The following BCAS3 variants were observed in gnomAD, a reference collection of about 807,000 sequenced individuals.
BCAS3 encodes the protein BCAS3 microtubule associated cell migration factor, also known as BCAS4/BCAS3 fusion.
A neutral mutation model predicts 116.1 loss-of-function variants in BCAS3; 53 were observed. That is an observed-to-expected ratio of 0.46 (90% CI 0.37 to 0.57). The LOEUF is 0.57. BCAS3 is among the 20% of genes least tolerant of loss of function. The pLI is 0.00. For synonymous variants in BCAS3, 391 were observed against 408.2 expected, an observed-to-expected ratio of 0.96 and a Z score of 0.51; for missense variants, 917 against 1,165.4, an observed-to-expected ratio of 0.79 and a Z score of 3.10.
Position 61,026,613 on chromosome 17 carries a change from A to G in BCAS3, c.1638-8053A>G, listed in dbSNP as rs2066264743. ...TATTTTATTTTAACTTAGAAATACT[A>G]CAGGGGTGCTCCAGAAAAGGGGGAG... On this transcript the variant is annotated intron_variant, in intron 16 of 23. Coordinates refer to ENST00000407086, the MANE Select transcript of BCAS3 (RefSeq NM_017679.5). The surrounding 1 kb of genome is among the most constrained non-coding windows in gnomAD (Gnocchi z 5.0). Among the ~76,000 whole-genome samples the G allele has an allele frequency of 6.6e-6, 1 of 152,014 alleles. No homozygotes were observed. Among genetic ancestry groups the G allele is most frequent in the Non-Finnish European group, 1.5e-5 (1 of 67,950 alleles).
At chr17:61,078,619 T>C in intron 21 of BCAS3, 90 bp downstream of exon 21, 1 of 1,148,664 alleles carries the variant, frequency 8.7e-7, no homozygotes, top group Admixed American at 2.4e-5. Context: ...AGGTTTCCCC[T>C]TTTGGCACAG....
In BCAS3 at chr17:61,021,143, G is replaced by C. The variant is rs2065846954; in HGVS notation, c.1637+5242G>C. On this transcript the variant is annotated intron_variant, in intron 16 of 23. Transcript: ENST00000407086. The surrounding 1 kb of genome is among the most constrained non-coding windows in gnomAD (Gnocchi z 4.6). ...GTGATCTCCACCCACTGCAACCTCTGCTCTTGGGCTCAGGTGATTCTCTTG... is the reference window on the plus strand; with the variant it reads ...GTGATCTCCACCCACTGCAACCTCTCCTCTTGGGCTCAGGTGATTCTCTTG... 6.6e-6 allele frequency among the ~76,000 whole-genome samples: 1 copy of C among 152,022 alleles called. No homozygotes were observed. Among genetic ancestry groups the C allele is most frequent in the South Asian group, 2.1e-4 (1 of 4,822 alleles).
chr17:60,798,948 A>C (rs995514259), intron 6 of BCAS3, among the ~76,000 whole-genome samples: 1 of 152,138 alleles, frequency 6.6e-6, no homozygotes, highest in Non-Finnish European at 1.5e-5. Flanking sequence ...GCATATTTTC[A>C]TATGCTTGTT....
chr17:61,001,872 A>G (rs1236840305), intron 15 of BCAS3, among the ~76,000 whole-genome samples: 1 of 152,146 alleles, frequency 6.6e-6, no homozygotes, highest in Non-Finnish European at 1.5e-5. Context: ...CTATTTTCTC[A>G]AGACAGAGCA....
intron 9 of BCAS3, among the ~76,000 whole-genome samples, chr17:60,878,491 T>G (rs778930843): frequency 3.3e-5 from 5 of 152,174 alleles, no homozygotes; most frequent in Non-Finnish European, 7.4e-5. Flanking sequence ...CTTTGTTGAT[T>G]TGGGTAATGC....
intron 22 of BCAS3, among the ~76,000 whole-genome samples, chr17:61,246,875 A>G (rs536440046): frequency 6.6e-6 from 1 of 151,248 alleles, no homozygotes; most frequent in East Asian, 1.9e-4. Context: ...GATGTTTTCC[A>G]TGAGCCTGAT....
At chr17:61,176,525 CTATTTATTTATTTATTTATT>C (rs139505219) in intron 22 of BCAS3, among the ~76,000 whole-genome samples, 2 of 145,530 alleles carry the variant, frequency 1.4e-5, no homozygotes, top group Non-Finnish European at 1.5e-5. Context: ...TGTGTAATGT[CTATTTATTTATTTATTTATT>C]TATTTATTTA....
chr17:60,691,909 T>C (rs1363274799), intron 4 of BCAS3, among the ~76,000 whole-genome samples: 1 of 152,036 alleles, frequency 6.6e-6, no homozygotes, highest in African/African-American at 2.4e-5. Context: ...ATGACAAATA[T>C]TTTTTGAAAT....
rs2019339046 is a variant in BCAS3 at position 61,309,704 on chromosome 17, A to AC, written c.2426-58620dup. Reference sequence around the variant, plus strand: ...AGCAAAGCCTGGAACTGGAGAGATGACCCAGGGTCTTTGGGATTGCGGAAC... The same window carrying AC: ...AGCAAAGCCTGGAACTGGAGAGATGACCCCAGGGTCTTTGGGATTGCGGAAC... On this transcript the variant is annotated intron_variant, in intron 22 of 23. Transcript: ENST00000407086. The surrounding 1 kb of genome is among the most constrained non-coding windows in gnomAD (Gnocchi z 4.6). 6.6e-6 allele frequency among the ~76,000 whole-genome samples: 1 copy of AC among 152,162 alleles called. No homozygotes were observed. Among genetic ancestry groups the AC allele is most frequent in the African/African-American group, 2.4e-5 (1 of 41,426 alleles).
chr17:60,735,555 G>T (rs1296324801), intron 5 of BCAS3, among the ~76,000 whole-genome samples: 1 of 151,998 alleles, frequency 6.6e-6, no homozygotes, highest in South Asian at 2.1e-4. Context: ...CTGAGCTCAG[G>T]TTATCCTCCC....
In BCAS3 at chr17:60,964,668, G is replaced by A. The variant is rs2061569257; in HGVS notation, c.1221+17316G>A. Among the ~76,000 whole-genome samples, 1 of 152,058 alleles carries A rather than the reference G, an allele frequency of 6.6e-6. No individual in the cohort carries two copies. The highest frequency in any genetic ancestry group is 6.6e-5 in the Admixed American group (1 of 15,266). ...TTCAGCAGTGAAGTTGTGAAGTCCT[G>A]GGATTTTCTTGCTTTTTATGGAGGC... On this transcript the variant is annotated intron_variant, in intron 14 of 23. Transcript: ENST00000407086. The surrounding 1 kb of genome is among the most constrained non-coding windows in gnomAD (Gnocchi z 4.6).
At chr17:60,878,271 A>T (rs941738150) in intron 9 of BCAS3, among the ~76,000 whole-genome samples, 2 of 152,084 alleles carry the variant, frequency 1.3e-5, no homozygotes, top group Non-Finnish European at 2.9e-5. Context: ...TGGCCTTCTA[A>T]AGTTCTGGAA....
At chr17:61,308,885 T>C (rs2054073310) in intron 22 of BCAS3, among the ~76,000 whole-genome samples, 1 of 152,210 alleles carries the variant, frequency 6.6e-6, no homozygotes, top group Non-Finnish European at 1.5e-5. Flanking sequence ...TTTGAGTTTT[T>C]TCAGCTACTT....
rs1265809908 is a variant in BCAS3, at chr17:61,352,376, C to T, written c.2426-15951C>T. On this transcript the variant is annotated intron_variant, in intron 22 of 23. Coordinates refer to ENST00000407086, the MANE Select transcript of BCAS3 (RefSeq NM_017679.5). The surrounding 1 kb of genome is among the most constrained non-coding windows in gnomAD (Gnocchi z 4.7). ...CCCTGGGCTGACTATAAATCTGCTC[C>T]TTGCCTGAGTATAGCAGAAACAAAA... 1.3e-5 allele frequency among the ~76,000 whole-genome samples: 2 copies of T among 152,230 alleles called. No homozygotes were observed. Among genetic ancestry groups the T allele is most frequent in the Non-Finnish European group, 2.9e-5 (2 of 68,028 alleles).
chr17:61,062,488 C>A (rs1369183281), intron 19 of BCAS3, among the ~76,000 whole-genome samples: 1 of 152,106 alleles, frequency 6.6e-6, no homozygotes, highest in Non-Finnish European at 1.5e-5. Flanking sequence ...ACTTTTCCAG[C>A]TATCCTACTG....
chr17:61,289,394 C>A (rs577739713), intron 22 of BCAS3, among the ~76,000 whole-genome samples: 1 of 152,338 alleles, frequency 6.6e-6, no homozygotes, highest in South Asian at 2.1e-4. Context: ...TGGCTGTTTA[C>A]CTCCACGTAC....
chr17:60,751,668 G>A (rs944731156), intron 6 of BCAS3, among the ~76,000 whole-genome samples: 4 of 151,428 alleles, frequency 2.6e-5, no homozygotes, highest in Admixed American at 1.3e-4. Context: ...TCAGCCTCCC[G>A]AGTAGCTGGG....
chr17:61,252,749 A>G (rs2048462669), intron 22 of BCAS3, among the ~76,000 whole-genome samples: 1 of 152,144 alleles, frequency 6.6e-6, no homozygotes, highest in South Asian at 2.1e-4. Flanking sequence ...ATAGTGATAG[A>G]ACCAATTGTG....
chr17:61,383,334 C>T (rs2059692076), intron 23 of BCAS3: 1 of 152,354 alleles, frequency 6.6e-6, no homozygotes, highest in Non-Finnish European at 1.5e-5. Flanking sequence ...CCGGGGTCTC[C>T]TCAGCAGGGT....
Sources: allele counts gnomAD v4.1 joint callset (sites outside exome capture counted in the v4.1 genomes callset), GRCh38; gene constraint gnomAD v4.1.1; non-coding constraint Gnocchi (gnomAD v3.1); transcripts MANE v1.5; gene names NCBI Gene and HGNC (gene_info 2026-07-23, HGNC 2026-07-21).